The following FLVCR1 variants were observed in gnomAD, a reference collection of about 807,000 sequenced individuals.
The protein encoded by FLVCR1 is FLVCR choline and heme transporter 1.
FLVCR1 carries 34 observed loss-of-function variants against 53.6 expected under a neutral mutation model. The ratio of observed to expected loss-of-function variants is 0.63; its 90% CI spans 0.48 to 0.84. FLVCR1 has a LOEUF of 0.84. FLVCR1 is among the 40% of genes least tolerant of loss of function. The pLI is 0.00. For synonymous variants in FLVCR1, 300 were observed against 286.3 expected (o/e 1.05, Z -0.48); for missense variants, 677 against 696.7 (o/e 0.97, Z 0.32).
chr1:212,863,647 C>G (rs1664316803), intron 1 of FLVCR1, 78 bp from the exon 2 acceptor site: 1 of 1,263,468 alleles, frequency 7.9e-7, no homozygotes, highest in Non-Finnish European at 1.2e-6. Flanking sequence ...TAGCTGTCCT[C>G]TTTATGTTCT....
In FLVCR1 at chr1:212,895,603, T is replaced by A; in HGVS notation, c.*313T>A. The stretch of plus-strand genomic sequence containing the variant: ...ACTTTTTAAAAGTCGATGTTTTTCT[T>A]TTTTGTAGAAAATGGAAGCTTAGAA... On this transcript the variant is annotated 3_prime_UTR_variant, in exon 10 of 10. Coordinates refer to ENST00000366971, the MANE Select transcript of FLVCR1 (RefSeq NM_014053.4). 1 of 364,508 alleles carries A rather than the reference T, an allele frequency of 2.7e-6. No homozygotes were observed. Among genetic ancestry groups the A allele is most frequent in the Non-Finnish European group, 5.1e-6 (1 of 195,478 alleles). 22.6% of individuals were successfully genotyped at this position (364,508 alleles called of 1,614,324 possible).
Position 212,858,859 on chromosome 1 carries a change from A to G in FLVCR1, c.407A>G (p.Glu136Gly). Residue 136 changes from glutamate to glycine, a missense_variant, in exon 1 of 10, where the codon GAG becomes GGG. Coordinates refer to ENST00000366971, the MANE Select transcript of FLVCR1 (RefSeq NM_014053.4). ...IQYSIISNVFEGFYGVTLLHI... is the reference protein window; with the variant it reads ...IQYSIISNVFGGFYGVTLLHI... Reference sequence around the variant, plus strand: ...TACAGCATCATTAGCAACGTCTTCGAGGGCTTCTACGGTGTCACCTTGCTG... The same window carrying G: ...TACAGCATCATTAGCAACGTCTTCGGGGGCTTCTACGGTGTCACCTTGCTG... 1 of 1,614,208 alleles carries G rather than the reference A, an allele frequency of 6.2e-7. No homozygotes were observed. The highest frequency in any genetic ancestry group is 8.5e-7 in the Non-Finnish European group (1 of 1,180,036).
At chr1:212,888,742 T>A in intron 7 of FLVCR1, 148 bp downstream of exon 7, 1 of 682,726 alleles carries the variant, frequency 1.5e-6, no homozygotes, top group African/African-American at 1.8e-5. Context: ...TGGAGTGCAG[T>A]AGTGCAGTCA....
At chr1:212,876,511 A>T (rs964820570) in intron 3 of FLVCR1, among the ~76,000 whole-genome samples, 1 of 151,898 alleles carries the variant, frequency 6.6e-6, no homozygotes, top group Non-Finnish European at 1.5e-5. Flanking sequence ...GATTACAGGC[A>T]AGTGCCAACA....
Position 212,888,478 on chromosome 1 carries a change from T to C in FLVCR1, c.1308-11T>C. ...GTAGTTCTTTCTGTAATTCTGGATT[T>C]ATTTTCCTAGCTTCTTCATGACTGG... is the stretch of plus-strand genomic sequence containing the variant. On this transcript the variant is annotated splice_polypyrimidine_tract_variant and intron_variant, in intron 6 of 9. Transcript: ENST00000366971. 1 of 1,588,696 alleles carries C rather than the reference T, an allele frequency of 6.3e-7. No individual in the cohort carries two copies. The highest frequency in any genetic ancestry group is 8.6e-7 in the Non-Finnish European group (1 of 1,157,192).
rs41297444 is a variant in FLVCR1 at position 212,872,746 on chromosome 1, G to A, written c.952G>A (p.Glu318Lys). 2.4e-3 allele frequency: 3,797 copies of A among 1,613,816 alleles called. 8 individuals are homozygous for A. The highest frequency in any genetic ancestry group is 2.9e-3 in the Admixed American group (175 of 60,010). ...QAALQDSPPE[E>K]YSYKKSIRNL... ...AGCTCTTCAAGACAGTCCCCCTGAA[G>A]AGTACTCCTATAAGAAATCAATAAG... is the stretch of plus-strand genomic sequence containing the variant. Residue 318 changes from glutamate to lysine, a missense_variant, in exon 3 of 10, where the codon GAG (glutamate) becomes AAG (lysine). Transcript: ENST00000366971.
At chr1:212,861,396 T>G (rs576862814) in intron 1 of FLVCR1, among the ~76,000 whole-genome samples, 1 of 152,308 alleles carries the variant, frequency 6.6e-6, no homozygotes, top group East Asian at 1.9e-4. Flanking sequence ...AGCTGAATAA[T>G]ATTTCTATAT....
intron 2 of FLVCR1, among the ~76,000 whole-genome samples, chr1:212,867,253 C>T (rs1664464936): frequency 6.6e-6 from 1 of 152,138 alleles, no homozygotes; most frequent in Non-Finnish European, 1.5e-5. Flanking sequence ...AGGAATTAAC[C>T]CAAGCATTCC....
intron 1 of FLVCR1, among the ~76,000 whole-genome samples, chr1:212,860,962 C>T (rs765440445): frequency 2.0e-5 from 3 of 152,202 alleles, no homozygotes; most frequent in Non-Finnish European, 4.4e-5. Context: ...TGCTAACTGT[C>T]CTCCCTATCT....
Position 212,895,464 on chromosome 1 carries a change from A to C in FLVCR1, c.*174A>C. On this transcript the variant is annotated 3_prime_UTR_variant, in exon 10 of 10. Transcript: ENST00000366971. Reference sequence around the variant, plus strand: ...TATTATTTTGCTTAATTGTTAAATTAAGGGAAATTTTCTTAAAATTCTTCT... The same window carrying C: ...TATTATTTTGCTTAATTGTTAAATTCAGGGAAATTTTCTTAAAATTCTTCT... 1.6e-6 allele frequency: 1 copy of C among 633,964 alleles called. No homozygotes were observed. The highest frequency in any genetic ancestry group is 2.8e-6 in the Non-Finnish European group (1 of 351,872). 39.3% of individuals were successfully genotyped at this position (633,964 alleles called of 1,614,324 possible).
intron 2 of FLVCR1, 123 bp from the exon 3 acceptor site, chr1:212,872,555 T>C: frequency 1.4e-6 from 1 of 715,784 alleles, no homozygotes; most frequent in Non-Finnish European, 2.3e-6. Flanking sequence ...TATATACCTC[T>C]TTAAACTTAA....
chr1:212,889,628 C>T (rs1665139752), intron 8 of FLVCR1, among the ~76,000 whole-genome samples: 1 of 151,946 alleles, frequency 6.6e-6, no homozygotes, highest in African/African-American at 2.4e-5. Flanking sequence ...TGTGGTGGCG[C>T]ACACGTGTAG....
At chr1:212,865,844 C>G (rs1364200993) in intron 2 of FLVCR1, among the ~76,000 whole-genome samples, 2 of 145,478 alleles carry the variant, frequency 1.4e-5, no homozygotes, top group East Asian at 4.1e-4. Flanking sequence ...AAGACGGAGT[C>G]TCGCTCTGTC....
chr1:212,858,872 TGTCACCTTGCTGC>T lies in FLVCR1; in HGVS notation c.421_433del (p.Val141ThrfsTer115). On this transcript the variant is annotated frameshift_variant, in exon 1 of 10. Transcript: ENST00000366971. LOFTEE classifies it high-confidence loss of function. The stretch of plus-strand genomic sequence containing the variant: ...GCAACGTCTTCGAGGGCTTCTACGG[TGTCACCTTGCTGC>T]ACATCGACTGGCTGTCCATGGTGTA... The T allele has an allele frequency of 6.2e-7, 1 of 1,614,226 alleles. No individual in the cohort carries two copies. The highest frequency in any genetic ancestry group is 1.1e-5 in the South Asian group (1 of 91,082).
Position 212,883,413 on chromosome 1 carries a change from A to G in FLVCR1, c.1067A>G (p.Asn356Ser). The change falls in exon 4 of 10, where the codon AAT (asparagine) becomes AGT (serine). Residue 356 changes from asparagine to serine, a missense_variant. Asn to Ser is a conservative substitution (Grantham distance 46). Transcript: ENST00000366971. Reference sequence around the variant, plus strand: ...TTTTATTCAGTCTCAACGTTATTAAATCAAATGATATTGACATATTATGAG... The same window carrying G: ...TTTTATTCAGTCTCAACGTTATTAAGTCAAATGATATTGACATATTATGAG... ...GAFYSVSTLLNQMILTYYEGE... is the reference protein window; with the variant it reads ...GAFYSVSTLLSQMILTYYEGE... The G allele has an allele frequency of 6.3e-7, 1 of 1,583,624 alleles. No homozygotes were observed. Among genetic ancestry groups the G allele is most frequent in the Non-Finnish European group, 8.7e-7 (1 of 1,154,572 alleles).
intron 3 of FLVCR1, among the ~76,000 whole-genome samples, chr1:212,877,281 A>G (rs1664779230): frequency 6.6e-6 from 1 of 151,832 alleles, no homozygotes; most frequent in Admixed American, 6.6e-5. Flanking sequence ...TTATATTTTA[A>G]TATAAACAAT....
At chr1:212,860,776 A>G (rs1271908391) in intron 1 of FLVCR1, among the ~76,000 whole-genome samples, 2 of 152,132 alleles carry the variant, frequency 1.3e-5, no homozygotes, top group Non-Finnish European at 2.9e-5. Flanking sequence ...CTCTCCATAA[A>G]ACCATGTTGA....
intron 8 of FLVCR1, among the ~76,000 whole-genome samples, chr1:212,889,634 T>C (rs954523239): frequency 6.6e-6 from 1 of 151,702 alleles, no homozygotes; most frequent in Non-Finnish European, 1.5e-5. Context: ...GGCGCACACG[T>C]GTAGCCCCAG....
intron 3 of FLVCR1, among the ~76,000 whole-genome samples, chr1:212,880,849 T>C (rs897728929): frequency 4.0e-5 from 6 of 148,960 alleles, no homozygotes; most frequent in Non-Finnish European, 6.0e-5. Context: ...GCCTGAAACA[T>C]GAAAAGTTTA....
Sources: gnomAD v4.1 joint callset for allele counts (sites outside exome capture counted in the v4.1 genomes callset) on GRCh38, gnomAD v4.1.1 for gene constraint, MANE v1.5 for transcripts, NCBI Gene and HGNC (gene_info 2026-07-23, HGNC 2026-07-21) for gene names.